Variants in PIP5K1A observed in about 807,000 individuals in gnomAD.
PIP5K1A encodes phosphatidylinositol-4-phosphate 5-kinase type 1 alpha, also known as phosphatidylinositol 4-phosphate 5-kinase type-1 alpha.
A neutral mutation model predicts 72.9 loss-of-function variants in PIP5K1A; 46 were observed. The observed-to-expected ratio is 0.63, with a 90% CI of 0.50 to 0.81. The LOEUF (loss-of-function observed/expected upper bound fraction) is 0.81. Ranked by LOEUF, PIP5K1A falls within the 30% of genes least tolerant of loss-of-function variation. The pLI is 0.00. For synonymous variants in PIP5K1A, 228 were observed against 255.1 expected, an observed-to-expected ratio of 0.89 and a Z score of 1.01; for missense variants, 458 against 706.1, an observed-to-expected ratio of 0.65 and a Z score of 3.98.
chr1:151,237,994 G>GA (rs1257810911), intron 9 of PIP5K1A, among the ~76,000 whole-genome samples, 188 bp from the exon 10 acceptor site: 10 of 152,148 alleles, frequency 6.6e-5, no homozygotes, highest in Non-Finnish European at 1.3e-4. Flanking sequence ...CCTGGGGTTA[G>GA]AGGAAGGATC....
At chr1:151,238,108 G>A (rs941858167) in intron 9 of PIP5K1A, 74 bp from the exon 10 acceptor site, 1 of 872,158 alleles carries the variant, frequency 1.1e-6, no homozygotes, top group Non-Finnish European at 2.0e-6. Flanking sequence ...TTATGTGTAG[G>A]TTTCACTTCC....
chr1:151,231,351 A>G (rs1690038525), intron 4 of PIP5K1A, among the ~76,000 whole-genome samples: 1 of 152,172 alleles, frequency 6.6e-6, no homozygotes, highest in African/African-American at 2.4e-5. Flanking sequence ...GTGTCAATAC[A>G]ATGTATCTTC....
Position 151,239,989 on chromosome 1 carries a change from C to G in PIP5K1A, c.1313C>G (p.Ala438Gly), listed in dbSNP as rs776135660. 1 of 1,613,150 alleles carries G rather than the reference C, an allele frequency of 6.2e-7. No homozygotes were observed. The highest frequency in any genetic ancestry group is 8.5e-7 in the Non-Finnish European group (1 of 1,179,520). ...TCAGTGCATCGCCCAGGCTTCTACGCTGAACGGTTCCAGCGCTTCATGTGC... is the reference window on the plus strand; with the variant it reads ...TCAGTGCATCGCCCAGGCTTCTACGGTGAACGGTTCCAGCGCTTCATGTGC... ...TVSVHRPGFYAERFQRFMCNT... is the reference protein window; with the variant it reads ...TVSVHRPGFYGERFQRFMCNT... Residue 438 changes from alanine to glycine, a missense_variant, in exon 12 of 16, where the codon GCT (alanine) becomes GGT (glycine). By Grantham distance (60) the Ala-to-Gly change is moderately conservative (BLOSUM62 0). Around this residue, in one of 3 missense-constraint regions of PIP5K1A, gnomAD observed 157 missense variants for 175.5 expected, o/e 0.89. Transcript: ENST00000368888.
intron 1 of PIP5K1A, among the ~76,000 whole-genome samples, chr1:151,199,425 C>T (rs1684891517): frequency 6.6e-6 from 1 of 151,936 alleles, no homozygotes; most frequent in African/African-American, 2.4e-5. Context: ...CGAGCCTGGC[C>T]AACATAGAGA....
At chr1:151,244,933 AGCCTTTTTTTTTTTTTTTTTG>A (rs1289739210) in intron 14 of PIP5K1A, among the ~76,000 whole-genome samples, 1 of 146,970 alleles carries the variant, frequency 6.8e-6, no homozygotes, top group East Asian at 2.0e-4. Flanking sequence ...CTTGCTCAAA[AGCCTTTTTTTTTTTTTTTTTG>A]GTAGAGATGT....
chr1:151,208,789 C>G (rs148933660), intron 1 of PIP5K1A, among the ~76,000 whole-genome samples: 2,461 of 118,574 alleles, frequency 0.021, 56 homozygotes, highest in African/African-American at 0.058. Flanking sequence ...CTGGGGTGCA[C>G]TGGTGCAATC....
intron 1 of PIP5K1A, 137 bp downstream of exon 1, chr1:151,199,218 G>C (rs1684850328): frequency 6.7e-7 from 1 of 1,503,186 alleles, no homozygotes; most frequent in Non-Finnish European, 8.9e-7. Context: ...CTTTCAAATA[G>C]GGATTTATGA....
intron 7 of PIP5K1A, 27 bp downstream of exon 7, chr1:151,232,730 C>T (rs1690273228): frequency 6.2e-7 from 1 of 1,602,936 alleles, no homozygotes; most frequent in Non-Finnish European, 8.5e-7. Flanking sequence ...CACTGTCCAC[C>T]TGTGCTGCTC....
intron 4 of PIP5K1A, among the ~76,000 whole-genome samples, chr1:151,229,300 A>G (rs1489136688): frequency 6.8e-6 from 1 of 147,892 alleles, no homozygotes; most frequent in African/African-American, 2.5e-5. Context: ...CCATCCTCCT[A>G]CCTCAGCCTC....
chr1:151,231,071 G>A (rs150782282), intron 4 of PIP5K1A, among the ~76,000 whole-genome samples: 128 of 152,188 alleles, frequency 8.4e-4, no homozygotes, highest in African/African-American at 2.9e-3. Flanking sequence ...GCAAGGTGTC[G>A]TGGTGCATGC....
intron 14 of PIP5K1A, among the ~76,000 whole-genome samples, chr1:151,243,321 G>GC (rs1233967787): frequency 1.3e-5 from 2 of 152,158 alleles, no homozygotes; most frequent in Non-Finnish European, 2.9e-5. Flanking sequence ...GGTTGGATGA[G>GC]CCCCCCAGGT....
intron 5 of PIP5K1A, 127 bp from the exon 6 acceptor site, chr1:151,232,121 G>A (rs587733049): frequency 2.8e-6 from 2 of 718,188 alleles, no homozygotes; most frequent in African/African-American, 1.7e-5. Context: ...GAAGGGCTGT[G>A]ATTATCTTAG....
upstream of PIP5K1A, chr1:151,198,461 C>T (rs1684743346): frequency 9.7e-6 from 2 of 205,360 alleles, no homozygotes; most frequent in African/African-American, 4.7e-5. Context: ...CTCACGTGAC[C>T]ATTAGCAGCC....
At chr1:151,244,176 A>C (rs1206041774) in intron 14 of PIP5K1A, among the ~76,000 whole-genome samples, 1 of 144,244 alleles carries the variant, frequency 6.9e-6, no homozygotes, top group Non-Finnish European at 1.5e-5. Context: ...ACGAAAAAAT[A>C]CTGAAAAAAA....
chr1:151,230,083 G>A (rs969220108), intron 4 of PIP5K1A, among the ~76,000 whole-genome samples: 5 of 151,924 alleles, frequency 3.3e-5, no homozygotes, highest in East Asian at 3.9e-4. Context: ...GCGAGACTCC[G>A]TCTCAAGAAA....
intron 14 of PIP5K1A, among the ~76,000 whole-genome samples, chr1:151,243,126 G>A (rs1692003282): frequency 6.6e-6 from 1 of 152,172 alleles, no homozygotes; most frequent in Non-Finnish European, 1.5e-5. Context: ...ATTACCCATG[G>A]GTGTGAATAC....
chr1:151,224,198 TGTGA>T, intron 1 of PIP5K1A, 43 bp from the exon 2 acceptor site: 1 of 1,522,682 alleles, frequency 6.6e-7, no homozygotes, highest in Non-Finnish European at 9.1e-7. Flanking sequence ...TTGACAGAGA[TGTGA>T]GTGTGTGATA....
At chr1:151,214,276 C>T (rs906199998) in intron 1 of PIP5K1A, among the ~76,000 whole-genome samples, 2 of 152,064 alleles carry the variant, frequency 1.3e-5, no homozygotes, top group African/African-American at 4.8e-5. Flanking sequence ...GTATATACAT[C>T]TTTGTTTGCT....
At chr1:151,197,441 G>A (rs1352458783), upstream of PIP5K1A, among the ~76,000 whole-genome samples, 2 of 151,760 alleles carry the variant, frequency 1.3e-5, no homozygotes, top group Non-Finnish European at 2.9e-5. Flanking sequence ...CACCACGCCC[G>A]GCTAATTTTT....
Sources: gnomAD v4.1 joint callset for allele counts (sites outside exome capture counted in the v4.1 genomes callset) on GRCh38, gnomAD v4.1.1 for gene constraint, gnomAD v4.1.1 regional missense constraint, MANE v1.5 for transcripts, NCBI Gene and HGNC (gene_info 2026-07-23, HGNC 2026-07-21) for gene names.